GRIP1: variants seen among roughly 807,000 people sequenced by gnomAD.
The protein encoded by GRIP1 is glutamate receptor interacting protein 1.
A neutral mutation model predicts 129.9 loss-of-function variants in GRIP1; 45 were observed. The ratio of observed to expected loss-of-function variants is 0.35; its 90% CI spans 0.27 to 0.44. GRIP1 has a LOEUF of 0.44. Among genes scored for constraint, GRIP1 ranks in the 20% least tolerant of loss-of-function variants. The probability of loss-of-function intolerance (pLI) is 1.00; values close to 1 mark genes in which losing one functional copy is unlikely to be tolerated. For synonymous variants in GRIP1, 530 were observed against 520.8 expected, an observed-to-expected ratio of 1.02 and a Z score of -0.24; for missense variants, 1,196 against 1,396.8, an observed-to-expected ratio of 0.86 and a Z score of 2.29.
chr12:66,990,998 A>G (rs2042386481), intron 1 of GRIP1, among the ~76,000 whole-genome samples: 1 of 151,764 alleles, frequency 6.6e-6, no homozygotes, highest in African/African-American at 2.4e-5. Context: ...AAAAGAAAGA[A>G]AAAAGGACAA....
At chr12:66,366,069 G>A (rs2055125466) in intron 23 of GRIP1, among the ~76,000 whole-genome samples, 1 of 152,206 alleles carries the variant, frequency 6.6e-6, no homozygotes, top group South Asian at 2.1e-4. Context: ...TCTAGCAAAG[G>A]GTGGTAGACA....
intron 1 of GRIP1, among the ~76,000 whole-genome samples, chr12:66,898,259 T>C (rs1165910010): frequency 6.6e-6 from 1 of 152,210 alleles, no homozygotes; most frequent in Non-Finnish European, 1.5e-5. Context: ...CAGGAACTGG[T>C]TATAGCTTAT....
chr12:66,891,007 T>G (rs1376809165), intron 1 of GRIP1, among the ~76,000 whole-genome samples: 3 of 152,242 alleles, frequency 2.0e-5, no homozygotes, highest in Non-Finnish European at 4.4e-5. Context: ...TGCTATATTT[T>G]AATGTTATTC....
At chr12:66,583,579 C>T (rs1445918782) in intron 2 of GRIP1, among the ~76,000 whole-genome samples, 2 of 136,516 alleles carry the variant, frequency 1.5e-5, no homozygotes, top group Non-Finnish European at 3.2e-5. Flanking sequence ...CAAACAACCC[C>T]ATCAAAAAGT....
intron 1 of GRIP1, among the ~76,000 whole-genome samples, chr12:66,877,081 T>C (rs1447933116): frequency 1.3e-5 from 2 of 152,040 alleles, no homozygotes; most frequent in Non-Finnish European, 2.9e-5. Flanking sequence ...ACTTTATCAA[T>C]GACGGGTTAC....
At chr12:66,520,007 T>A (rs2060954042) in intron 5 of GRIP1, among the ~76,000 whole-genome samples, 1 of 152,322 alleles carries the variant, frequency 6.6e-6, no homozygotes, top group Non-Finnish European at 1.5e-5. Flanking sequence ...TTCTATTGTT[T>A]AGGGAATAAA....
chr12:66,714,164 A>C (rs1466186820), intron 1 of GRIP1, among the ~76,000 whole-genome samples: 1 of 152,080 alleles, frequency 6.6e-6, no homozygotes, highest in African/African-American at 2.4e-5. Context: ...TTTACTTTTT[A>C]AATCCACCCA....
At chr12:66,385,538 A>G (rs906721725) in intron 19 of GRIP1, among the ~76,000 whole-genome samples, 13 of 152,316 alleles carry the variant, frequency 8.5e-5, no homozygotes, top group Admixed American at 5.9e-4. Flanking sequence ...CTCGGTCTCA[A>G]AAAATAAAAT....
rs1565651050 is a variant in GRIP1, at chr12:66,347,595, CTTTACAG to C, written c.*1417_*1423del. The stretch of plus-strand genomic sequence containing the variant: ...AAAGTATTAAATTTGTACAAAAATA[CTTTACAG>C]TTTAATACTTGTTTGTTACAAATAA... On this transcript the variant is annotated 3_prime_UTR_variant, in exon 25 of 25. Transcript: ENST00000359742. 1.3e-5 allele frequency: 2 copies of C among 151,986 alleles called. No homozygotes were observed. The highest frequency in any genetic ancestry group is 2.9e-5 in the Non-Finnish European group (2 of 68,004). 9.4% of individuals were successfully genotyped at this position (151,986 alleles called of 1,614,324 possible). A position where few individuals can be genotyped will look rare whatever the true frequency, so the allele number is the denominator to read the frequency against.
chr12:66,760,946 T>G (rs1292181690), intron 1 of GRIP1, among the ~76,000 whole-genome samples: 1 of 152,030 alleles, frequency 6.6e-6, no homozygotes, highest in African/African-American at 2.4e-5. Flanking sequence ...GTGAAAGCTT[T>G]GAGCTCTATG....
intron 1 of GRIP1, among the ~76,000 whole-genome samples, chr12:66,701,150 C>T (rs1252190042): frequency 1.3e-5 from 2 of 152,184 alleles, no homozygotes; most frequent in East Asian, 3.9e-4. Flanking sequence ...CTTTTCTACA[C>T]ACATCCATTA....
intron 2 of GRIP1, among the ~76,000 whole-genome samples, chr12:66,560,632 A>G (rs2062492109): frequency 6.6e-6 from 1 of 152,284 alleles, no homozygotes; most frequent in East Asian, 1.9e-4. Context: ...ATTAAATATA[A>G]TAACATCTCA....
intron 1 of GRIP1, among the ~76,000 whole-genome samples, chr12:67,028,789 C>T (rs989276247): frequency 2.6e-5 from 4 of 152,102 alleles, no homozygotes; most frequent in African/African-American, 9.7e-5. Flanking sequence ...GTACTTTTTA[C>T]ATTTTACCAT....
chr12:67,021,970 T>C (rs2042873711), intron 1 of GRIP1, among the ~76,000 whole-genome samples: 1 of 152,198 alleles, frequency 6.6e-6, no homozygotes. Context: ...CATGTTGCTG[T>C]GAAAGACAGC....
chr12:66,393,440 G>T (rs746486927), intron 17 of GRIP1, among the ~76,000 whole-genome samples: 8 of 151,960 alleles, frequency 5.3e-5, no homozygotes, highest in Non-Finnish European at 8.8e-5. Context: ...CCAAAGTTCT[G>T]GGATTACAGG....
At chr12:66,674,715 C>G (rs2034243707) in intron 1 of GRIP1, among the ~76,000 whole-genome samples, 1 of 152,108 alleles carries the variant, frequency 6.6e-6, no homozygotes, top group Non-Finnish European at 1.5e-5. Flanking sequence ...CATAATGATT[C>G]CATGATTGGG....
At chr12:66,491,104 T>C (rs1447796161) in intron 7 of GRIP1, among the ~76,000 whole-genome samples, 1 of 152,192 alleles carries the variant, frequency 6.6e-6, no homozygotes, top group Non-Finnish European at 1.5e-5. Flanking sequence ...GCAATCCCAT[T>C]ACTGTGTACA....
intron 1 of GRIP1, among the ~76,000 whole-genome samples, chr12:66,942,165 A>G (rs1459338117): frequency 6.6e-6 from 1 of 152,198 alleles, no homozygotes; most frequent in Non-Finnish European, 1.5e-5. Flanking sequence ...GCATTCCATC[A>G]AGGTTGAGGA....
chr12:66,410,370 G>A (rs1395049272), intron 15 of GRIP1, among the ~76,000 whole-genome samples: 3 of 149,770 alleles, frequency 2.0e-5, no homozygotes, highest in Non-Finnish European at 1.5e-5. Flanking sequence ...GGTGGCTCAC[G>A]CCTATAATCC....
Sources: gnomAD v4.1 joint callset for allele counts (sites outside exome capture counted in the v4.1 genomes callset) on GRCh38, gnomAD v4.1.1 for gene constraint, MANE v1.5 for transcripts, NCBI Gene and HGNC (gene_info 2026-07-23, HGNC 2026-07-21) for gene names.